The following SPAG1 variants were observed in gnomAD, a reference collection of about 807,000 sequenced individuals.
SPAG1 encodes sperm associated antigen 1, also known as sperm-associated antigen 1.
In SPAG1, 69 loss-of-function variants were observed where a neutral mutation model predicts 100.5. The ratio of observed to expected loss-of-function variants is 0.69; its 90% confidence interval spans 0.57 to 0.84. SPAG1 has a LOEUF of 0.84. Ranked by LOEUF, SPAG1 falls within the 40% of genes least tolerant of loss-of-function variation. The pLI, the probability that SPAG1 is intolerant of heterozygous loss-of-function variation, is 0.00. For synonymous variants in SPAG1, 336 were observed against 411.6 expected (o/e 0.82, Z 2.22); for missense variants, 955 against 1,133.1 (o/e 0.84, Z 2.26).
chr8:100,225,038 A>T (rs1489043478), intron 13 of SPAG1, 135 bp from the exon 14 acceptor site: 2 of 563,610 alleles, frequency 3.5e-6, no homozygotes, highest in African/African-American at 3.7e-5. Flanking sequence ...ACGGACAGAA[A>T]ATGCTCAGGA....
At chr8:100,190,597 C>A (rs1182835274) in intron 8 of SPAG1, among the ~76,000 whole-genome samples, 1 of 151,638 alleles carries the variant, frequency 6.6e-6, no homozygotes, top group Non-Finnish European at 1.5e-5. Context: ...TTAGAGATTG[C>A]TATACAGATG....
At chr8:100,192,302 C>T (rs1816849503) in intron 9 of SPAG1, among the ~76,000 whole-genome samples, 1 of 152,162 alleles carries the variant, frequency 6.6e-6, no homozygotes, top group Admixed American at 6.5e-5. Context: ...ACTGGGGCAA[C>T]AGAGTGAGAC....
Position 100,241,063 on chromosome 8 carries a change from TC to T in SPAG1, c.*43del. On this transcript the variant is annotated 3_prime_UTR_variant, in exon 19 of 19. Transcript: ENST00000388798. This position sits in a 1 kb window ranked among gnomAD's most constrained non-coding sequence, Gnocchi z 5.1. ...AGATTTCTTCCATGCATGTATGTGT[TC>T]CAGGAATGTTAATGAGATGGTATTG... 6.3e-7 allele frequency: 1 copy of T among 1,595,672 alleles called. No homozygotes were observed. Among genetic ancestry groups the T allele is most frequent in the South Asian group, 1.1e-5 (1 of 88,284 alleles).
At chr8:100,222,353 T>C (rs1218552391) in intron 13 of SPAG1, among the ~76,000 whole-genome samples, 2 of 152,222 alleles carry the variant, frequency 1.3e-5, no homozygotes, top group Non-Finnish European at 2.9e-5. Context: ...CCTGTAGCTG[T>C]AGCCGGTGTT....
intron 5 of SPAG1, 73 bp from the exon 6 acceptor site, chr8:100,183,883 A>G (rs1311664527): frequency 2.1e-5 from 15 of 721,468 alleles, no homozygotes; most frequent in Non-Finnish European, 1.6e-5. Context: ...GTACAAATAT[A>G]AGAATATCAA....
rs574964828 is a variant in SPAG1, at chr8:100,226,621, G to A, written c.1855+1282G>A. The stretch of plus-strand genomic sequence containing the variant: ...TGGGAGGCTGAGGTGGGAGGATCCC[G>A]AGCCCAGGAAGGTTGAGGCTGCAGT... On this transcript the variant is annotated intron_variant, in intron 14 of 18. Transcript: ENST00000388798. Among the ~76,000 whole-genome samples the A allele has an allele frequency of 5.7e-4, 87 of 152,086 alleles. 1 individual carries two copies. Among genetic ancestry groups the A allele is most frequent in the Middle Eastern group, 6.8e-3 (2 of 294 alleles).
intron 14 of SPAG1, 43 bp from the exon 15 acceptor site, chr8:100,231,113 G>A (rs1818747735): frequency 6.4e-7 from 1 of 1,564,250 alleles, no homozygotes; most frequent in African/African-American, 1.4e-5. Flanking sequence ...TTATAGAGGT[G>A]CTTGTACAGA....
At chr8:100,185,486 A>G (rs1164995819) in intron 7 of SPAG1, among the ~76,000 whole-genome samples, 1 of 152,162 alleles carries the variant, frequency 6.6e-6, no homozygotes, top group African/African-American at 2.4e-5. Context: ...GTGTGATTTG[A>G]TAATAACTAG....
intron 10 of SPAG1, among the ~76,000 whole-genome samples, chr8:100,208,636 T>C (rs894410598): frequency 2.0e-5 from 3 of 152,238 alleles, no homozygotes; most frequent in Non-Finnish European, 4.4e-5. Flanking sequence ...CTCCTTTTGT[T>C]AAAAACATGT....
intron 3 of SPAG1, among the ~76,000 whole-genome samples, chr8:100,172,881 T>G (rs2132224802): frequency 6.6e-6 from 1 of 152,122 alleles, no homozygotes; most frequent in East Asian, 1.9e-4. Context: ...TTTATTGGCT[T>G]GAGCTCAAAA....
At chr8:100,178,181 C>G (rs1359026385) in intron 4 of SPAG1, among the ~76,000 whole-genome samples, 2 of 152,058 alleles carry the variant, frequency 1.3e-5, no homozygotes, top group Admixed American at 6.6e-5. Context: ...GGCTTATTTA[C>G]TGCCTTTAGT....
At chr8:100,224,028 A>C (rs551677221) in intron 13 of SPAG1, among the ~76,000 whole-genome samples, 1 of 152,186 alleles carries the variant, frequency 6.6e-6, no homozygotes, top group Non-Finnish European at 1.5e-5. Flanking sequence ...CAGTAAACCA[A>C]TTCAGTCTTA....
At chr8:100,161,768 A>C (rs565790424) in intron 1 of SPAG1, among the ~76,000 whole-genome samples, 1 of 152,320 alleles carries the variant, frequency 6.6e-6, no homozygotes, top group East Asian at 1.9e-4. Flanking sequence ...ACCCCAGAGG[A>C]AGGTCTTCAG....
At chr8:100,193,975 A>G in intron 9 of SPAG1, 137 bp from the exon 10 acceptor site, 1 of 661,624 alleles carries the variant, frequency 1.5e-6, no homozygotes, top group Non-Finnish European at 2.3e-6. Flanking sequence ...ATCTATGATT[A>G]CAATCAAAGG....
intron 8 of SPAG1, among the ~76,000 whole-genome samples, chr8:100,190,664 T>C (rs1363863735): frequency 1.9e-5 from 1 of 53,520 alleles, no homozygotes; most frequent in Non-Finnish European, 3.7e-5. Context: ...TTTTTTTTTC[T>C]TTTTTTTTTT....
Position 100,225,181 on chromosome 8 carries a change from G to A in SPAG1, c.1697G>A (p.Arg566Lys), listed in dbSNP as rs1818452077. The A allele has an allele frequency of 1.2e-6, 2 of 1,609,378 alleles. No individual in the cohort carries two copies. The highest frequency in any genetic ancestry group is 1.7e-5 in the Admixed American group (1 of 59,542). Reference sequence around the variant, plus strand: ...ATTCACTTTCTCTTTAGGCTATCAAGAATTTTAATGGAGCTGGATGGACCA... The same window carrying A: ...ATTCACTTTCTCTTTAGGCTATCAAAAATTTTAATGGAGCTGGATGGACCA... ...LANDSVNRLS[R>K]ILMELDGPNW... The change falls in exon 14 of 19, where the codon AGA becomes AAA. Residue 566 changes from arginine to lysine, a missense_variant. Transcript: ENST00000388798.
At chr8:100,231,611 T>C (rs939960177) in intron 15 of SPAG1, among the ~76,000 whole-genome samples, 6 of 152,194 alleles carry the variant, frequency 3.9e-5, no homozygotes, top group Non-Finnish European at 8.8e-5. Context: ...TCGTTGCAGC[T>C]AGCTGGGCCT....
intron 13 of SPAG1, 92 bp from the exon 14 acceptor site, chr8:100,225,081 C>A: frequency 1.1e-6 from 1 of 944,288 alleles, no homozygotes; most frequent in African/African-American, 1.6e-5. Flanking sequence ...TACACATTTG[C>A]ATAGCATTTG....
intron 1 of SPAG1, among the ~76,000 whole-genome samples, chr8:100,160,645 G>A (rs201464633): frequency 6.6e-6 from 1 of 150,542 alleles, no homozygotes; most frequent in Non-Finnish European, 1.5e-5. Context: ...AAAAAAAAAG[G>A]AGAGGTATGT....
Sources: gnomAD v4.1 joint callset for allele counts (sites outside exome capture counted in the v4.1 genomes callset) on GRCh38, gnomAD v4.1.1 for gene constraint, Gnocchi (gnomAD v3.1) non-coding constraint, MANE v1.5 for transcripts, NCBI Gene and HGNC (gene_info 2026-07-23, HGNC 2026-07-21) for gene names.